ANO2: variants seen among roughly 807,000 people sequenced by gnomAD.
ANO2 encodes anoctamin-2.
Under a neutral mutation model 124.2 loss-of-function variants are expected in ANO2, and 101 were observed. That is an observed-to-expected ratio of 0.81 (90% confidence interval 0.69 to 0.96). The LOEUF is 0.96. Among genes scored for constraint, ANO2 ranks in the 40% least tolerant of loss-of-function variants. The pLI, the probability that ANO2 is intolerant of heterozygous loss-of-function variation, is 0.00. For synonymous variants in ANO2, 486 were observed against 482.5 expected, an observed-to-expected ratio of 1.01 and a Z score of -0.09; for missense variants, 1,293 against 1,274.5, an observed-to-expected ratio of 1.01 and a Z score of -0.22.
At chr12:5,711,321 G>A (rs930507271) in intron 14 of ANO2, among the ~76,000 whole-genome samples, 7 of 152,068 alleles carry the variant, frequency 4.6e-5, no homozygotes, top group African/African-American at 1.7e-4. Context: ...AAGAGACTGG[G>A]ACCTCCCTCT....
intron 16 of ANO2, among the ~76,000 whole-genome samples, chr12:5,633,222 C>T (rs1457600260): frequency 6.6e-6 from 1 of 152,160 alleles, no homozygotes; most frequent in East Asian, 1.9e-4. Flanking sequence ...TCTTTTTCTG[C>T]CCTTCCTTGG....
At chr12:5,946,183 A>T, upstream of ANO2, 1 of 1,613,782 alleles carries the variant, frequency 6.2e-7, no homozygotes, top group South Asian at 1.1e-5. The surrounding 1 kb of genome is among the most constrained non-coding windows in gnomAD (Gnocchi z 4.1). Flanking sequence ...TCCTATATTG[A>T]TAAGGTAGGC....
intron 10 of ANO2, among the ~76,000 whole-genome samples, chr12:5,774,356 A>C (rs1020263205): frequency 5.9e-5 from 9 of 152,154 alleles, no homozygotes; most frequent in African/African-American, 2.2e-4. Context: ...AGTCCCAGCT[A>C]CTCAGAGGCT....
At chr12:5,937,036 C>T (rs11063936) in intron 1 of ANO2, among the ~76,000 whole-genome samples, 14,831 of 152,180 alleles carry the variant, frequency 0.097, 1,154 homozygotes, top group African/African-American at 0.21. Flanking sequence ...AGTGCAGATA[C>T]CTTTACCAGG....
intron 14 of ANO2, among the ~76,000 whole-genome samples, chr12:5,668,020 G>A (rs146757396): frequency 5.9e-5 from 9 of 152,298 alleles, no homozygotes; most frequent in African/African-American, 2.2e-4. Flanking sequence ...ACATACATGT[G>A]CATGTATCTT....
chr12:5,633,885 G>T (rs1945863648), intron 16 of ANO2, among the ~76,000 whole-genome samples: 1 of 152,022 alleles, frequency 6.6e-6, no homozygotes, highest in South Asian at 2.1e-4. Context: ...TCCTTTGCCA[G>T]GAATCTTCCT....
chr12:5,694,710 G>A (rs956830921), intron 14 of ANO2, among the ~76,000 whole-genome samples: 1 of 152,180 alleles, frequency 6.6e-6, no homozygotes, highest in Non-Finnish European at 1.5e-5. Flanking sequence ...GTGGAGCAAA[G>A]GAGTAGGTTT....
At chr12:5,943,336 G>A (rs1468727937) in intron 1 of ANO2, among the ~76,000 whole-genome samples, 1 of 151,332 alleles carries the variant, frequency 6.6e-6, no homozygotes, top group Non-Finnish European at 1.5e-5. Context: ...GCCATGAAAA[G>A]AAACAAAATA....
rs540156083 is a variant in ANO2, at chr12:5,747,797, T to C, written c.1190+3039A>G. Among the ~76,000 whole-genome samples, 98 of 152,366 alleles carry C rather than the reference T, an allele frequency of 6.4e-4. 1 individual carries two copies. Among genetic ancestry groups the C allele is most frequent in the African/African-American group, 2.3e-3 (94 of 41,582 alleles). ...TTACCCCATCTTGTTTTAGTCCACTTGAAAGCCCATTAAATTGATTCCACA... is the reference window on the plus strand; with the variant it reads ...TTACCCCATCTTGTTTTAGTCCACTCGAAAGCCCATTAAATTGATTCCACA... On this transcript the variant is annotated intron_variant, in intron 11 of 24. Coordinates refer to ENST00000682330, the MANE Select transcript of ANO2 (RefSeq NM_001364791.2).
At chr12:5,917,571 T>C (rs1218075571) in intron 3 of ANO2, among the ~76,000 whole-genome samples, 1 of 147,716 alleles carries the variant, frequency 6.8e-6, no homozygotes, top group African/African-American at 2.5e-5. Flanking sequence ...TTTTCTTTTT[T>C]TTTTTTTTTT....
intron 3 of ANO2, among the ~76,000 whole-genome samples, chr12:5,894,927 T>C (rs1312323974): frequency 6.6e-6 from 1 of 152,260 alleles, no homozygotes; most frequent in Non-Finnish European, 1.5e-5. Context: ...GGTAGTGTGA[T>C]GCCTCTAGCT....
chr12:5,844,675 T>A (rs185875765), intron 4 of ANO2, among the ~76,000 whole-genome samples: 40 of 152,286 alleles, frequency 2.6e-4, no homozygotes, highest in African/African-American at 8.9e-4. Context: ...ATATCATTTT[T>A]AAAAATGACC....
At chr12:5,843,193 T>C (rs1307261400) in intron 4 of ANO2, among the ~76,000 whole-genome samples, 1 of 152,240 alleles carries the variant, frequency 6.6e-6, no homozygotes, top group Non-Finnish European at 1.5e-5. Flanking sequence ...GAAAGTCATG[T>C]TGAAGACTGA....
chr12:5,802,797 G>C (rs545458620), intron 9 of ANO2, among the ~76,000 whole-genome samples: 4 of 152,354 alleles, frequency 2.6e-5, no homozygotes, highest in Admixed American at 2.6e-4. Context: ...AAATAAACCA[G>C]GGAGAGACTA....
Position 5,832,560 on chromosome 12 carries a change from C to A in ANO2, c.677G>T (p.Ser226Ile). Residue 226 changes from serine to isoleucine, a missense_variant, in exon 5 of 25, where the codon AGC becomes ATC. Ser to Ile is a moderately radical substitution (Grantham distance 142, BLOSUM62 -2). Transcript: ENST00000682330. Reference sequence around the variant, plus strand: ...CGAGCTCAGCTTCTGCAGAGCCGCGCTGAACTTCTTTGCAATGCTGCCTCC... The same window carrying A: ...CGAGCTCAGCTTCTGCAGAGCCGCGATGAACTTCTTTGCAATGCTGCCTCC... ...KAGGSIAKKF[S>I]AALQKLSSHL... 1 of 1,613,924 alleles carries A rather than the reference C, an allele frequency of 6.2e-7. No individual in the cohort carries two copies. The highest frequency in any genetic ancestry group is 8.5e-7 in the Non-Finnish European group (1 of 1,179,878).
rs187031456 is a variant in ANO2, at chr12:5,829,953, A to C, written c.840+482T>G. 1.6e-3 allele frequency among the ~76,000 whole-genome samples: 245 copies of C among 152,294 alleles called. 1 individual carries two copies. Among genetic ancestry groups the C allele is most frequent in the Non-Finnish European group, 2.8e-3 (188 of 68,010 alleles). ...GCTAACTAGCATTCCTTGTTATAGAAATTCACATGACTCTGTCATGGGAGT... is the reference window on the plus strand; with the variant it reads ...GCTAACTAGCATTCCTTGTTATAGACATTCACATGACTCTGTCATGGGAGT... On this transcript the variant is annotated intron_variant, in intron 6 of 24. Coordinates refer to ENST00000682330, the MANE Select transcript of ANO2 (RefSeq NM_001364791.2).
rs764041050 is a variant in ANO2, at chr12:5,832,540, T to G, written c.697A>C (p.Ser233Arg). ...GGAACTCGGGGCTGCAGGTGCGAGC[T>G]CAGCTTCTGCAGAGCCGCGCTGAAC... Reference protein sequence around the residue: ...KKFSAALQKLSSHLQPRVPEH... With the variant: ...KKFSAALQKLRSHLQPRVPEH... The change falls in exon 5 of 25, where the codon AGC becomes CGC. Residue 233 changes from serine to arginine, a missense_variant. Transcript: ENST00000682330. 4.3e-6 allele frequency: 7 copies of G among 1,613,800 alleles called. No individual in the cohort carries two copies. Among genetic ancestry groups the G allele is most frequent in the Non-Finnish European group, 5.9e-6 (7 of 1,179,882 alleles).
chr12:5,851,109 G>C (rs146691266), intron 4 of ANO2, among the ~76,000 whole-genome samples: 126 of 152,268 alleles, frequency 8.3e-4, no homozygotes, highest in Admixed American at 7.7e-3. Flanking sequence ...AAAGTGGGGA[G>C]AGAAACCCAG....
chr12:5,651,447 G>C (rs530659079), intron 14 of ANO2, among the ~76,000 whole-genome samples: 1 of 151,096 alleles, frequency 6.6e-6, no homozygotes, highest in South Asian at 2.1e-4. Flanking sequence ...TAGAGACAAA[G>C]TCTCACTCTG....
Sources: allele counts gnomAD v4.1 joint callset (sites outside exome capture counted in the v4.1 genomes callset), GRCh38; gene constraint gnomAD v4.1.1; non-coding constraint Gnocchi (gnomAD v3.1); transcripts MANE v1.5; gene names NCBI Gene and HGNC (gene_info 2026-07-23, HGNC 2026-07-21).